The following SMPD3 variants were observed in gnomAD, a reference collection of about 807,000 sequenced individuals.
SMPD3 encodes nSMase-2.
A neutral mutation model predicts 55.7 loss-of-function variants in SMPD3; 21 were observed. The ratio of observed to expected loss-of-function variants is 0.38; its 90% CI spans 0.27 to 0.54. The LOEUF is 0.54. Among genes scored for constraint, SMPD3 ranks in the 20% least tolerant of loss-of-function variants. The probability of loss-of-function intolerance (pLI) is 0.80; values close to 1 mark genes in which losing one functional copy is unlikely to be tolerated. For synonymous variants in SMPD3, 457 were observed against 404.3 expected (o/e 1.13, Z -1.56); for missense variants, 842 against 899.6 (o/e 0.94, Z 0.82).
chr16:68,383,559 C>T lies in SMPD3; in HGVS notation c.-207+3039G>A, dbSNP rs192411170. 6.6e-5 allele frequency among the ~76,000 whole-genome samples: 10 copies of T among 152,258 alleles called. No homozygotes were observed. In the East Asian group the frequency reaches 9.7e-4, roughly 15 times the overall value. ...GTCCTGGCGCCATCCTCTTGCTCCC[C>T]GCACCATGGGACTGCTCCTTCTCAG... On this transcript the variant is annotated intron_variant, in intron 2 of 8. Coordinates refer to ENST00000219334, the MANE Select transcript of SMPD3 (RefSeq NM_018667.4).
At chr16:68,375,271 C>T (rs1014621650) in intron 2 of SMPD3, among the ~76,000 whole-genome samples, 1 of 142,104 alleles carries the variant, frequency 7.0e-6, no homozygotes, top group Admixed American at 6.9e-5. Context: ...TCTAGGGGCC[C>T]TTTGTGCTTC....
intron 1 of SMPD3, among the ~76,000 whole-genome samples, chr16:68,393,907 TG>T (rs1229789228): frequency 1.6e-4 from 24 of 152,370 alleles, no homozygotes; most frequent in Admixed American, 1.4e-3. Flanking sequence ...AGAATCTACT[TG>T]TGCAGTCAGA....
At chr16:68,372,489 T>C (rs946155338) in intron 2 of SMPD3, 102 bp from the exon 3 acceptor site, 3 of 458,942 alleles carry the variant, frequency 6.5e-6, no homozygotes, top group Non-Finnish European at 1.2e-5. Context: ...CTTCCCCTGG[T>C]GTGAGTGGGA....
intron 8 of SMPD3, 36 bp from the exon 9 acceptor site, chr16:68,361,343 C>T: frequency 6.3e-7 from 1 of 1,583,182 alleles, no homozygotes. Context: ...ACAGCCTGGT[C>T]AGATTCCAAG....
chr16:68,386,214 C>CAA (rs34700652), intron 2 of SMPD3, among the ~76,000 whole-genome samples: 8 of 99,810 alleles, frequency 8.0e-5, no homozygotes, highest in South Asian at 3.3e-4. Context: ...AGACGGGTCT[C>CAA]AAAAAAAAAA....
At chr16:68,395,150 A>T (rs1821241857) in intron 1 of SMPD3, among the ~76,000 whole-genome samples, 1 of 151,974 alleles carries the variant, frequency 6.6e-6, no homozygotes, top group Non-Finnish European at 1.5e-5. Context: ...GCACATAAAC[A>T]GTGTAACAGT....
intron 3 of SMPD3, chr16:68,367,558 A>G (rs1016692025): frequency 9.2e-5 from 14 of 152,368 alleles, no homozygotes; most frequent in African/African-American, 3.1e-4. Context: ...ACTTGGTGTC[A>G]CCTGCCCCGC....
intron 1 of SMPD3, among the ~76,000 whole-genome samples, chr16:68,432,303 C>G (rs1353063676): frequency 6.6e-6 from 1 of 151,998 alleles, no homozygotes; most frequent in African/African-American, 2.4e-5. Context: ...GCACATTTGC[C>G]TTTTAAAATA....
chr16:68,406,140 T>G (rs2090253297), intron 1 of SMPD3, among the ~76,000 whole-genome samples: 1 of 152,190 alleles, frequency 6.6e-6, no homozygotes, highest in Admixed American at 6.5e-5. Flanking sequence ...TGATGATTCA[T>G]TTTATTCTAT....
chr16:68,388,950 A>G (rs1294583333), intron 1 of SMPD3, among the ~76,000 whole-genome samples: 3 of 152,198 alleles, frequency 2.0e-5, no homozygotes, highest in Non-Finnish European at 2.9e-5. Context: ...GAAAAATTCA[A>G]TCAGAGCCTC....
chr16:68,366,747 C>T (rs1183754225), intron 3 of SMPD3, among the ~76,000 whole-genome samples: 2 of 152,204 alleles, frequency 1.3e-5, no homozygotes, highest in Non-Finnish European at 2.9e-5. Context: ...CAGTGGCTCA[C>T]ACCTGTAATC....
chr16:68,364,953 C>T (rs375689363), intron 4 of SMPD3, 47 bp from the exon 5 acceptor site: 9 of 1,613,276 alleles, frequency 5.6e-6, no homozygotes, highest in Non-Finnish European at 7.6e-6. Context: ...TCGCCCCAGA[C>T]CCCAGCTAGG....
intron 1 of SMPD3, among the ~76,000 whole-genome samples, chr16:68,439,460 CA>C (rs113572466): frequency 5.3e-5 from 8 of 152,180 alleles, no homozygotes; most frequent in African/African-American, 1.9e-4. Flanking sequence ...ATATTAACAC[CA>C]GACTATCCCC....
At chr16:68,410,739 A>T (rs1026505611) in intron 1 of SMPD3, among the ~76,000 whole-genome samples, 1 of 152,268 alleles carries the variant, frequency 6.6e-6, no homozygotes, top group African/African-American at 2.4e-5. Context: ...TTTTAATTCA[A>T]AAGTTTCCCA....
chr16:68,360,205 A>G lies in SMPD3; in HGVS notation c.*1001T>C, dbSNP rs2089168064. The G allele has an allele frequency of 6.6e-6, 1 of 152,576 alleles. No individual in the cohort carries two copies. 9.5% of individuals were successfully genotyped at this position (152,576 alleles called of 1,614,324 possible). A position where few individuals can be genotyped will look rare whatever the true frequency, so the allele number is the denominator to read the frequency against. ...CGTCCCCAGGGAGGGATTGGTCCCG[A>G]ACCAGAGAGGTGTCCCGTGGGGGAG... On this transcript the variant is annotated 3_prime_UTR_variant, in exon 9 of 9. Coordinates refer to ENST00000219334, the MANE Select transcript of SMPD3 (RefSeq NM_018667.4).
intron 1 of SMPD3, among the ~76,000 whole-genome samples, chr16:68,439,967 T>G (rs1453071361): frequency 6.6e-6 from 1 of 152,228 alleles, no homozygotes; most frequent in African/African-American, 2.4e-5. Context: ...ATTTTGCTAC[T>G]TGCCTCATTA....
chr16:68,364,478 G>T, intron 5 of SMPD3: 1 of 452,876 alleles, frequency 2.2e-6, no homozygotes, highest in Non-Finnish European at 3.9e-6. Flanking sequence ...GTTACTAGTG[G>T]ACTCGTCCTT....
At chr16:68,361,855 G>GGT in intron 7 of SMPD3, 96 bp from the exon 8 acceptor site, 13 of 1,083,760 alleles carry the variant, frequency 1.2e-5, no homozygotes, top group Admixed American at 2.2e-5. Flanking sequence ...CCCAGTGTGG[G>GGT]AGCGGGTGGG....
intron 5 of SMPD3, 65 bp downstream of exon 5, chr16:68,364,686 A>G: frequency 1.3e-6 from 2 of 1,538,964 alleles, no homozygotes; most frequent in Non-Finnish European, 1.8e-6. Flanking sequence ...AAGTCTGTCT[A>G]GCTGTGACTG....
Sources: allele counts gnomAD v4.1 joint callset (sites outside exome capture counted in the v4.1 genomes callset), GRCh38; gene constraint gnomAD v4.1.1; transcripts MANE v1.5; gene names NCBI Gene and HGNC (gene_info 2026-07-23, HGNC 2026-07-21).